CYFIP2: variants seen among roughly 807,000 people sequenced by gnomAD.
CYFIP2 encodes the protein cytoplasmic FMR1-interacting protein 2.
CYFIP2 carries 29 observed loss-of-function variants against 158.7 expected under a neutral mutation model. That is an observed-to-expected ratio of 0.18 (90% CI 0.14 to 0.25). The LOEUF (loss-of-function observed/expected upper bound fraction) is 0.25, where lower values mean the gene tolerates loss of function less well. Among genes scored for constraint, CYFIP2 ranks in the 10% least tolerant of loss-of-function variants. The pLI, the probability that CYFIP2 is intolerant of heterozygous loss-of-function variation, is 1.00. For synonymous variants in CYFIP2, 585 were observed against 617.6 expected (o/e 0.95, Z 0.78); for missense variants, 852 against 1,639.5 (o/e 0.52, Z 8.29).
intron 23 of CYFIP2, among the ~76,000 whole-genome samples, chr5:157,349,345 C>T (rs1762918076): frequency 6.6e-6 from 1 of 152,170 alleles, no homozygotes. Context: ...TAGCTTAGCT[C>T]CCACTCAAGT....
chr5:157,334,586 A>C (rs1186058114), intron 21 of CYFIP2, among the ~76,000 whole-genome samples: 1 of 152,234 alleles, frequency 6.6e-6, no homozygotes, highest in African/African-American at 2.4e-5. Flanking sequence ...TAATATTACC[A>C]GTAAGACATA....
chr5:157,316,848 C>T (rs935275465), intron 13 of CYFIP2, among the ~76,000 whole-genome samples: 5 of 152,210 alleles, frequency 3.3e-5, no homozygotes, highest in Admixed American at 2.0e-4. Context: ...AGATTAGAGT[C>T]GTCATCTCTC....
chr5:157,280,726 C>T (rs572416803), intron 1 of CYFIP2, among the ~76,000 whole-genome samples: 46 of 151,520 alleles, frequency 3.0e-4, no homozygotes, highest in South Asian at 4.2e-4. Flanking sequence ...TAACTCACTG[C>T]GAATTTGTTT....
intron 6 of CYFIP2, among the ~76,000 whole-genome samples, chr5:157,301,912 C>A (rs999334609): frequency 6.6e-6 from 1 of 152,116 alleles, no homozygotes; most frequent in Non-Finnish European, 1.5e-5. Context: ...TCCTGGGCTG[C>A]AAGGTAACTA....
rs369700734 is a variant in CYFIP2, at chr5:157,387,594, G to A, written c.3208-1595G>A. ...GTACCAGACATTCTCTTTCTGAAAT[G>A]GGGAGCCCTTTCTGGGGCCAAATAG... is the stretch of plus-strand genomic sequence containing the variant. On this transcript the variant is annotated intron_variant, in intron 28 of 30. Transcript: ENST00000620254. Among the ~76,000 whole-genome samples the A allele has an allele frequency of 4.6e-4, 70 of 152,224 alleles. No individual in the cohort carries two copies. In the South Asian group the frequency reaches 0.014, roughly 30 times the overall value.
chr5:157,343,703 A>G (rs1005942947), intron 23 of CYFIP2, among the ~76,000 whole-genome samples: 6 of 152,282 alleles, frequency 3.9e-5, no homozygotes, highest in Admixed American at 2.0e-4. Context: ...ATTTAGGCAT[A>G]GCGAAAAAGT....
At chr5:157,332,631 G>T (rs1761553199) in intron 20 of CYFIP2, among the ~76,000 whole-genome samples, 2 of 152,104 alleles carry the variant, frequency 1.3e-5, no homozygotes, top group South Asian at 4.1e-4. Context: ...TAGTTGTCAG[G>T]TGTCAGCGCG....
intron 9 of CYFIP2, among the ~76,000 whole-genome samples, chr5:157,308,236 TC>T (rs996783915): frequency 6.6e-6 from 1 of 152,060 alleles, no homozygotes; most frequent in Non-Finnish European, 1.5e-5. Context: ...TGCTCTAATT[TC>T]CAGTATAAAT....
chr5:157,380,147 G>A (rs1238112412), intron 26 of CYFIP2: 1 of 152,182 alleles, frequency 6.6e-6, no homozygotes, highest in Non-Finnish European at 1.5e-5. Flanking sequence ...GGAGTGCAGG[G>A]TCTGCAAAAT....
In CYFIP2 at chr5:157,356,634, T is replaced by G. The variant is rs1183862188; in HGVS notation, c.2674-2371T>G. Among the ~76,000 whole-genome samples the G allele has an allele frequency of 2.6e-5, 4 of 152,140 alleles. No homozygotes were observed. In the East Asian group the frequency reaches 7.7e-4, roughly 29 times the overall value. ...CAGAGGTAAGCCATGGCTTGTTTGG[T>G]GATTGCTATGTATTCATCACCTCCA... On this transcript the variant is annotated intron_variant, in intron 23 of 30. Coordinates refer to ENST00000620254, the MANE Select transcript of CYFIP2 (RefSeq NM_001037333.3).
rs570209876 is a variant in CYFIP2, at chr5:157,325,284, T to A, written c.1826-198T>A. Among the ~76,000 whole-genome samples, 106 of 152,186 alleles carry A rather than the reference T, an allele frequency of 7.0e-4. 2 individuals are homozygous for A. The highest frequency in any genetic ancestry group is 2.4e-3 in the African/African-American group (99 of 41,532). On this transcript the variant is annotated intron_variant, in intron 16 of 30. Transcript: ENST00000620254. ...CCCACCAGCCCACAACCACTGCCTC[T>A]CAAGCTTAACAAATGCTTGAGAGGC...
At chr5:157,290,959 G>A (rs1243349215) in intron 3 of CYFIP2, among the ~76,000 whole-genome samples, 1 of 152,186 alleles carries the variant, frequency 6.6e-6, no homozygotes, top group Non-Finnish European at 1.5e-5. Flanking sequence ...GGGTGAGATG[G>A]GGGCTGAGTG....
intron 5 of CYFIP2, among the ~76,000 whole-genome samples, chr5:157,298,150 T>C (rs1180248298): frequency 6.6e-6 from 1 of 152,222 alleles, no homozygotes; most frequent in African/African-American, 2.4e-5. Context: ...TTTCTTGCTC[T>C]TTCTGGGTTA....
intron 21 of CYFIP2, among the ~76,000 whole-genome samples, chr5:157,336,086 G>A (rs150132593): frequency 1.9e-3 from 290 of 152,240 alleles, no homozygotes; most frequent in East Asian, 9.9e-3. Context: ...GCCCCTGCTC[G>A]CCCTGGCTGA....
intron 4 of CYFIP2, among the ~76,000 whole-genome samples, chr5:157,295,414 T>TG (rs1238768594): frequency 6.6e-6 from 1 of 152,260 alleles, no homozygotes; most frequent in Non-Finnish European, 1.5e-5. Context: ...CATCATGTAA[T>TG]TAACGGGTCC....
chr5:157,356,720 C>T (rs1763434650), intron 23 of CYFIP2, among the ~76,000 whole-genome samples: 1 of 152,194 alleles, frequency 6.6e-6, no homozygotes, highest in Non-Finnish European at 1.5e-5. Context: ...CTAAGCTGCA[C>T]TCGCTTAGAA....
chr5:157,269,865 G>A (rs140343230), intron 1 of CYFIP2, among the ~76,000 whole-genome samples: 6 of 152,266 alleles, frequency 3.9e-5, no homozygotes, highest in African/African-American at 1.2e-4. Flanking sequence ...GGTATGGGAC[G>A]CCTCCCAGGA....
At chr5:157,271,754 G>T (rs1256740701) in intron 1 of CYFIP2, among the ~76,000 whole-genome samples, 1 of 152,228 alleles carries the variant, frequency 6.6e-6, no homozygotes, top group Non-Finnish European at 1.5e-5. Context: ...TTCATACTGA[G>T]CCATGTTCGA....
At chr5:157,384,532 T>C in intron 28 of CYFIP2, 1 of 455,724 alleles carries the variant, frequency 2.2e-6, no homozygotes, top group South Asian at 1.5e-5. Context: ...CAAAACATGG[T>C]AAGTATTTTT....
Sources: allele counts gnomAD v4.1 joint callset (sites outside exome capture counted in the v4.1 genomes callset), GRCh38; gene constraint gnomAD v4.1.1; transcripts MANE v1.5; gene names NCBI Gene and HGNC (gene_info 2026-07-23, HGNC 2026-07-21).